Variants in TUBA8 observed in about 807,000 individuals in gnomAD.
TUBA8 encodes tubulin alpha 8.
Under a neutral mutation model 34.7 loss-of-function variants are expected in TUBA8, and 29 were observed. The observed-to-expected ratio is 0.84, with a 90% CI of 0.62 to 1.14. The LOEUF is 1.14. Among genes scored for constraint, TUBA8 ranks in the 50% most tolerant of loss-of-function variants. TUBA8 has a pLI of 0.00. For synonymous variants in TUBA8, 226 were observed against 231.2 expected (o/e 0.98, Z 0.21); for missense variants, 541 against 599.2 (o/e 0.90, Z 1.01).
At position 18,124,049 on chromosome 22, in the gene TUBA8, T is replaced by G. The variant is rs1355099624; in HGVS notation, c.227-107T>G. 1.1e-5 allele frequency: 15 copies of G among 1,398,126 alleles called. No homozygotes were observed. The highest frequency in any genetic ancestry group is 2.3e-5 in the East Asian group (1 of 43,262). The allele number at this position is 1,398,126 out of a possible 1,614,324, so 86.6% of individuals were successfully genotyped here. ...GAGGTGGTCTGGCTTCAAACCTCCA[T>G]GGAGTTTTATAGGTAGGGGAGAACG... is the stretch of plus-strand genomic sequence containing the variant. On this transcript the variant is annotated intron_variant, in intron 2 of 4. Transcript: ENST00000330423. This position sits in a 1 kb window ranked among gnomAD's most constrained non-coding sequence, Gnocchi z 4.3.
chr22:18,126,672 A>T lies in TUBA8; in HGVS notation c.694A>T (p.Ser232Cys). ...PTYTNLNRLISQIVSSITASL... is the reference protein window; with the variant it reads ...PTYTNLNRLICQIVSSITASL... Reference sequence around the variant, plus strand: ...CTATACCAACCTCAACCGCCTCATCAGTCAGATTGTGTCCTCAATCACTGC... The same window carrying T: ...CTATACCAACCTCAACCGCCTCATCTGTCAGATTGTGTCCTCAATCACTGC... Residue 232 changes from serine to cysteine, a missense_variant, in exon 4 of 5, where the codon AGT becomes TGT. Coordinates refer to ENST00000330423, the MANE Select transcript of TUBA8 (RefSeq NM_018943.3). This position sits in a 1 kb window ranked among gnomAD's most constrained non-coding sequence, Gnocchi z 4.0. 6.2e-7 allele frequency: 1 copy of T among 1,614,176 alleles called. No individual in the cohort carries two copies. Among genetic ancestry groups the T allele is most frequent in the Non-Finnish European group, 8.5e-7 (1 of 1,180,028 alleles).
At chr22:18,112,306 C>T (rs1455135665) in intron 1 of TUBA8, 18 of 151,968 alleles carry the variant, frequency 1.2e-4, no homozygotes, top group Admixed American at 1.2e-3. Flanking sequence ...CGATTATATA[C>T]ATCATCTAAG....
At chr22:18,116,881 G>T (rs1927992777) in intron 1 of TUBA8, 1 of 152,240 alleles carries the variant, frequency 6.6e-6, no homozygotes, top group African/African-American at 2.4e-5. Flanking sequence ...CCTGCAGAGT[G>T]CTGGGGCTGG....
chr22:18,124,152 G>T lies in TUBA8; in HGVS notation c.227-4G>T, dbSNP rs998416536. ...AGGACCTAATGGTCTTCCTCTCTTGGAAGATGAGGTTCGGGCAGGAACCTA... is the reference window on the plus strand; with the variant it reads ...AGGACCTAATGGTCTTCCTCTCTTGTAAGATGAGGTTCGGGCAGGAACCTA... On this transcript the variant is annotated splice_region_variant and splice_polypyrimidine_tract_variant and intron_variant, in intron 2 of 4. Transcript: ENST00000330423. The surrounding 1 kb of genome is among the most constrained non-coding windows in gnomAD (Gnocchi z 4.3). The T allele has an allele frequency of 4.3e-6, 7 of 1,614,056 alleles. No individual in the cohort carries two copies. Among genetic ancestry groups the T allele is most frequent in the Non-Finnish European group, 5.9e-6 (7 of 1,180,036 alleles).
intron 4 of TUBA8, chr22:18,127,688 C>T (rs190453490): frequency 0.082 from 10,625 of 129,336 alleles, 521 homozygotes; most frequent in Non-Finnish European, 0.11. Context: ...CCACTGTGCC[C>T]GGACTTTTTT....
rs1928161496 is a variant in TUBA8, at chr22:18,121,838, T to C, written c.226+137T>C. 2.6e-6 allele frequency: 2 copies of C among 772,310 alleles called. No homozygotes were observed. The allele number at this position is 772,310 out of a possible 1,614,324, so 47.8% of individuals were successfully genotyped here. On this transcript the variant is annotated intron_variant, in intron 2 of 4. Transcript: ENST00000330423. The surrounding 1 kb of genome is among the most constrained non-coding windows in gnomAD (Gnocchi z 4.8). ...CCGCAGCCTCCCACCCCACGTGACATCTGTCAGCTCCTTGGGGTCCCCACA... is the reference window on the plus strand; with the variant it reads ...CCGCAGCCTCCCACCCCACGTGACACCTGTCAGCTCCTTGGGGTCCCCACA...
chr22:18,121,538 G>A lies in TUBA8; in HGVS notation c.63G>A (p.Trp21Ter). 1 of 1,614,200 alleles carries A rather than the reference G, an allele frequency of 6.2e-7. No homozygotes were observed. Among genetic ancestry groups the A allele is most frequent in the Non-Finnish European group, 8.5e-7 (1 of 1,180,032 alleles). The change falls in exon 2 of 5, where the codon TGG becomes TGA. Residue 21 changes from tryptophan (W) to a stop codon, truncating the protein, a stop_gained. Transcript: ENST00000330423. LOFTEE classifies it high-confidence loss of function. The surrounding 1 kb of genome is among the most constrained non-coding windows in gnomAD (Gnocchi z 4.8). ...QAGVQIGNAC[W>*]ELFCLEHGIQ... ...GAGTTCAGATTGGCAATGCCTGCTGGGAGCTCTTCTGCCTGGAACACGGCA... is the reference window on the plus strand; with the variant it reads ...GAGTTCAGATTGGCAATGCCTGCTGAGAGCTCTTCTGCCTGGAACACGGCA...
intron 3 of TUBA8, chr22:18,125,834 C>G (rs947829781): frequency 2.3e-5 from 4 of 175,882 alleles, no homozygotes; most frequent in African/African-American, 9.6e-5. Flanking sequence ...CTTCATGTAC[C>G]TAGAGGCGTG....
chr22:18,124,466 A>T lies in TUBA8; in HGVS notation c.375+162A>T. 1.3e-6 allele frequency: 1 copy of T among 793,068 alleles called. No homozygotes were observed. Among genetic ancestry groups the T allele is most frequent in the South Asian group, 1.9e-5 (1 of 53,866 alleles). 49.1% of individuals were successfully genotyped at this position (793,068 alleles called of 1,614,324 possible). On this transcript the variant is annotated intron_variant, in intron 3 of 4. Coordinates refer to ENST00000330423, the MANE Select transcript of TUBA8 (RefSeq NM_018943.3). The surrounding 1 kb of genome is among the most constrained non-coding windows in gnomAD (Gnocchi z 4.3). ...CTTAAATTCTGTAAGAAGCATGCAC[A>T]GGGGTGATGCCCCTTCCTCTGTGTT...
chr22:18,130,674 C>T lies in TUBA8; in HGVS notation c.1057-169C>T, dbSNP rs115694676. The T allele has an allele frequency of 7.8e-4, 614 of 787,842 alleles. 1 individual carries two copies. In the African/African-American group the frequency reaches 9.0e-3, roughly 12 times the overall value. 48.8% of individuals were successfully genotyped at this position (787,842 alleles called of 1,614,324 possible). ...TTTCTCTTCAGCTTCTCCCTTGCCA[C>T]CTGCTGGCTTCCCCAGTCCCATCCC... On this transcript the variant is annotated intron_variant, in intron 4 of 4. Transcript: ENST00000330423.
chr22:18,123,719 C>T (rs987204957), intron 2 of TUBA8: 2 of 234,900 alleles, frequency 8.5e-6, no homozygotes, highest in South Asian at 6.3e-5. Context: ...GGACTACAGG[C>T]GCACGCTGCC....
Position 18,119,136 on chromosome 22 carries a change from G to A in TUBA8, c.4-2343G>A, listed in dbSNP as rs923936406. 2 of 152,218 alleles carry A rather than the reference G, an allele frequency of 1.3e-5. No individual in the cohort carries two copies. Among genetic ancestry groups the A allele is most frequent in the African/African-American group, 4.8e-5 (2 of 41,426 alleles). 9.4% of individuals were successfully genotyped at this position (152,218 alleles called of 1,614,324 possible). On this transcript the variant is annotated intron_variant, in intron 1 of 4. Transcript: ENST00000330423. The surrounding 1 kb of genome is among the most constrained non-coding windows in gnomAD (Gnocchi z 5.9). ...AAATACATAGGATCAGGCCCCCCTCGGGCCTCTCCAGTGTCCCCTCAGCTT... is the reference window on the plus strand; with the variant it reads ...AAATACATAGGATCAGGCCCCCCTCAGGCCTCTCCAGTGTCCCCTCAGCTT...
Position 18,125,960 on chromosome 22 carries a change from CAA to C in TUBA8, c.376-393_376-392del, listed in dbSNP as rs574890566. The C allele has an allele frequency of 2.8e-3, 790 of 283,024 alleles. 16 individuals are homozygous for C. Among genetic ancestry groups the C allele is most frequent in the South Asian group, 0.02 (511 of 26,126 alleles). 17.5% of individuals were successfully genotyped at this position (283,024 alleles called of 1,614,324 possible). ...TTCTGCAGCCATGAGCTCCTGGGCT[CAA>C]GTGATCCTCCCACCTCAGCATCCCA... On this transcript the variant is annotated intron_variant, in intron 3 of 4. Transcript: ENST00000330423.
chr22:18,126,323 A>G lies in TUBA8; in HGVS notation c.376-31A>G. The G allele has an allele frequency of 6.2e-7, 1 of 1,612,078 alleles. No individual in the cohort carries two copies. Among genetic ancestry groups the G allele is most frequent in the Non-Finnish European group, 8.5e-7 (1 of 1,178,250 alleles). On this transcript the variant is annotated intron_variant, in intron 3 of 4. Transcript: ENST00000330423. The surrounding 1 kb of genome is among the most constrained non-coding windows in gnomAD (Gnocchi z 4.0). ...GGGGTGTTCTCGGAAACTTGTCTTCATGATTTCTTCTCATGTCCTGCTCTC... is the reference window on the plus strand; with the variant it reads ...GGGGTGTTCTCGGAAACTTGTCTTCGTGATTTCTTCTCATGTCCTGCTCTC...
chr22:18,120,668 G>A (rs904648674), intron 1 of TUBA8: 2 of 152,200 alleles, frequency 1.3e-5, no homozygotes, highest in African/African-American at 4.8e-5. Context: ...GAGTGAAATG[G>A]TAGTTCTGAG....
At position 18,121,619 on chromosome 22, in the gene TUBA8, C is replaced by T. The variant is rs1928150788; in HGVS notation, c.144C>T (p.Ser48=). The T allele has an allele frequency of 6.2e-7, 1 of 1,614,232 alleles. No homozygotes were observed. The highest frequency in any genetic ancestry group is 1.3e-5 in the African/African-American group (1 of 75,056). The change falls in exon 2 of 5, where the codon TCC becomes TCT. Residue 48 remains serine, a synonymous_variant. Coordinates refer to ENST00000330423, the MANE Select transcript of TUBA8 (RefSeq NM_018943.3). The surrounding 1 kb of genome is among the most constrained non-coding windows in gnomAD (Gnocchi z 4.8). ...CTAGCAAGATCAACGATGATGACTC[C>T]TTCACCACCTTTTTCAGCGAGACTG... is the stretch of plus-strand genomic sequence containing the variant. ...AQASKINDDD[S]FTTFFSETGN... is the part of the protein sequence containing the mutation.
At chr22:18,120,411 T>G (rs756834240) in intron 1 of TUBA8, 4 of 152,248 alleles carry the variant, frequency 2.6e-5, no homozygotes, top group Non-Finnish European at 5.9e-5. Flanking sequence ...ATTAATTTGC[T>G]TAGGATAATG....
chr22:18,126,920 C>T lies in TUBA8; in HGVS notation c.942C>T (p.Ala314=). ...ACCCGAGACATGGCAAGTACATGGCCTGCTGCATGCTCTACCGGGGCGACG... is the reference window on the plus strand; with the variant it reads ...ACCCGAGACATGGCAAGTACATGGCTTGCTGCATGCTCTACCGGGGCGACG... ...KCDPRHGKYM[A]CCMLYRGDVV... The change falls in exon 4 of 5, where the codon GCC becomes GCT. Residue 314 remains alanine, a synonymous_variant. Coordinates refer to ENST00000330423, the MANE Select transcript of TUBA8 (RefSeq NM_018943.3). This position sits in a 1 kb window ranked among gnomAD's most constrained non-coding sequence, Gnocchi z 4.0. 6.2e-7 allele frequency: 1 copy of T among 1,612,570 alleles called. No individual in the cohort carries two copies. The highest frequency in any genetic ancestry group is 8.5e-7 in the Non-Finnish European group (1 of 1,179,094).
chr22:18,125,897 T>A, intron 3 of TUBA8: 1 of 192,166 alleles, frequency 5.2e-6, no homozygotes, highest in Admixed American at 5.3e-5. Flanking sequence ...AGACTTGCTC[T>A]GTCATCCAAG....
Sources: gnomAD v4.1 joint callset for allele counts on GRCh38, gnomAD v4.1.1 for gene constraint, Gnocchi (gnomAD v3.1) non-coding constraint, MANE v1.5 for transcripts, NCBI Gene and HGNC (gene_info 2026-07-23, HGNC 2026-07-21) for gene names.